Variants in TBC1D19 observed in about 807,000 individuals in gnomAD.
TBC1D19 encodes TBC1 domain family, member 19.
Under a neutral mutation model 89.0 loss-of-function variants are expected in TBC1D19, and 60 were observed. The ratio of observed to expected loss-of-function variants is 0.67; its 90% confidence interval spans 0.55 to 0.84. The LOEUF is 0.84. TBC1D19 is among the 40% of genes least tolerant of loss of function. The pLI is 0.00. For missense variants in TBC1D19, 500 were observed against 610.8 expected, an observed-to-expected ratio of 0.82 and a Z score of 1.91; for synonymous variants, 189 against 199.7, an observed-to-expected ratio of 0.95 and a Z score of 0.45.
chr4:26,659,289 A>G (rs371678644), intron 7 of TBC1D19, among the ~76,000 whole-genome samples: 5 of 151,638 alleles, frequency 3.3e-5, no homozygotes, highest in African/African-American at 1.2e-4. Context: ...AAGTGTTATA[A>G]TCAAGCAATT....
chr4:26,850,540 C>CAAAAAAAAAA, the TBC1D19 span, among the ~76,000 whole-genome samples: 1,005 of 90,206 alleles, frequency 0.011, 74 homozygotes, highest in African/African-American at 0.031. Context: ...GACCCTGTCT[C>CAAAAAAAAAA]AAAAAAAAAA....
chr4:26,617,687 A>G (rs1347597463), intron 3 of TBC1D19, among the ~76,000 whole-genome samples: 1 of 152,222 alleles, frequency 6.6e-6, no homozygotes, highest in Non-Finnish European at 1.5e-5. Context: ...CAATCTTTAC[A>G]TGCAAAATGA....
chr4:26,731,865 G>C (rs1717681079), intron 15 of TBC1D19, among the ~76,000 whole-genome samples: 1 of 151,994 alleles, frequency 6.6e-6, no homozygotes, highest in African/African-American at 2.4e-5. Context: ...CGTAGGGATG[G>C]GAAACCATTT....
the TBC1D19 span, among the ~76,000 whole-genome samples, chr4:26,856,881 C>T: frequency 6.6e-6 from 1 of 152,176 alleles, no homozygotes; most frequent in African/African-American, 2.4e-5. Flanking sequence ...CTGATTGCAC[C>T]GGGCTTTAGC....
At chr4:26,607,620 G>T (rs571645162) in intron 1 of TBC1D19, among the ~76,000 whole-genome samples, 14 of 152,026 alleles carry the variant, frequency 9.2e-5, no homozygotes, top group African/African-American at 3.1e-4. Flanking sequence ...TATACCTAAG[G>T]ATTCTGATAA....
the TBC1D19 span, among the ~76,000 whole-genome samples, chr4:26,849,609 ATCTG>A: frequency 6.6e-6 from 1 of 152,156 alleles, no homozygotes; most frequent in Non-Finnish European, 1.5e-5. Context: ...GGAGTAAGTG[ATCTG>A]TCTCTTTAAT....
the TBC1D19 span, among the ~76,000 whole-genome samples, chr4:26,818,589 T>C: frequency 6.6e-6 from 1 of 152,132 alleles, no homozygotes; most frequent in African/African-American, 2.4e-5. Flanking sequence ...TTCAGACATA[T>C]AAAAGATGCA....
chr4:26,605,531 T>C (rs1182467876), intron 1 of TBC1D19, among the ~76,000 whole-genome samples: 18 of 152,246 alleles, frequency 1.2e-4, no homozygotes, highest in African/African-American at 4.1e-4. Context: ...CATGTGTCTT[T>C]ATAGCAGCAT....
intron 1 of TBC1D19, among the ~76,000 whole-genome samples, chr4:26,577,591 T>A (rs2109917781): frequency 6.6e-6 from 1 of 152,288 alleles, no homozygotes; most frequent in South Asian, 2.1e-4. Flanking sequence ...AAGCAGATGC[T>A]AAAATAAGAA....
downstream of TBC1D19, among the ~76,000 whole-genome samples, chr4:26,759,378 AGAATATTT>A (rs940854217): frequency 9.9e-5 from 15 of 152,260 alleles, no homozygotes; most frequent in Non-Finnish European, 1.9e-4. Context: ...CCAAAAGGAA[AGAATATTT>A]TCAGAGGAAA....
At chr4:26,738,114 A>T (rs1430679762) in intron 16 of TBC1D19, among the ~76,000 whole-genome samples, 3 of 151,670 alleles carry the variant, frequency 2.0e-5, no homozygotes, top group Admixed American at 6.6e-5. Flanking sequence ...TCTTTTTTAC[A>T]TATAATCTAT....
chr4:26,587,246 A>T (rs887243755), intron 1 of TBC1D19, among the ~76,000 whole-genome samples: 1 of 152,092 alleles, frequency 6.6e-6, no homozygotes, highest in Non-Finnish European at 1.5e-5. Flanking sequence ...CAATTTGCTA[A>T]CATTTTGCTG....
At chr4:26,605,229 G>T (rs1740916231) in intron 1 of TBC1D19, among the ~76,000 whole-genome samples, 1 of 121,390 alleles carries the variant, frequency 8.2e-6, no homozygotes, top group Admixed American at 1.0e-4. Context: ...ACAGTCCCCG[G>T]AGTGTGATGT....
At chr4:26,671,529 TA>T (rs1712303633) in intron 9 of TBC1D19, among the ~76,000 whole-genome samples, 2 of 151,778 alleles carry the variant, frequency 1.3e-5, no homozygotes, top group South Asian at 4.1e-4. Flanking sequence ...AGTTTTTTTT[TA>T]AAAATGTAAT....
intron 1 of TBC1D19, among the ~76,000 whole-genome samples, chr4:26,592,114 G>C (rs1013364765): frequency 1.3e-5 from 2 of 152,174 alleles, no homozygotes; most frequent in Non-Finnish European, 2.9e-5. Flanking sequence ...ACCGAATCCA[G>C]CAGCACATCA....
chr4:26,654,360 G>T (rs1744634414), intron 7 of TBC1D19, among the ~76,000 whole-genome samples: 1 of 152,084 alleles, frequency 6.6e-6, no homozygotes, highest in Admixed American at 6.5e-5. Context: ...TCTTGGAGTT[G>T]CTCTTCTCGA....
chr4:26,711,712 T>G (rs1296783385), intron 13 of TBC1D19, among the ~76,000 whole-genome samples: 1 of 152,072 alleles, frequency 6.6e-6, no homozygotes, highest in Admixed American at 6.6e-5. Flanking sequence ...TAATTGGTAA[T>G]TAATCCAGGT....
rs910156295 is a variant in TBC1D19, at chr4:26,659,642, C to G, written c.526C>G (p.Leu176Val). 3 of 1,593,556 alleles carry G rather than the reference C, an allele frequency of 1.9e-6. No homozygotes were observed. Among genetic ancestry groups the G allele is most frequent in the Non-Finnish European group, 2.6e-6 (3 of 1,165,776 alleles). ...CCCAAATTATGAAAACGGTGATTCT[C>G]TTAGTTTCAGGACTCATTTGGGTTT... The part of the protein sequence containing the change: ...RNPNYENGDS[L>V]SFRTHLGLIQ... The change falls in exon 8 of 21, where the codon CTT (leucine) becomes GTT (valine). Residue 176 changes from leucine to valine, a missense_variant. By Grantham distance (32) the Leu-to-Val change is conservative (BLOSUM62 1). Around this residue, in one of 2 missense-constraint regions of TBC1D19, gnomAD observed 280 missense variants for 291.7 expected, o/e 0.96. Coordinates refer to ENST00000264866, the MANE Select transcript of TBC1D19 (RefSeq NM_018317.4).
chr4:26,788,374 C>T, the TBC1D19 span, among the ~76,000 whole-genome samples: 5 of 152,214 alleles, frequency 3.3e-5, no homozygotes, highest in East Asian at 1.9e-4. Context: ...GGGAGGTTCC[C>T]GGATACTCAT....
Sources: allele counts gnomAD v4.1 joint callset (sites outside exome capture counted in the v4.1 genomes callset), GRCh38; gene constraint gnomAD v4.1.1; regional missense constraint gnomAD v4.1.1; transcripts MANE v1.5; gene names NCBI Gene and HGNC (gene_info 2026-07-23, HGNC 2026-07-21).